The following SGCZ variants were observed in gnomAD, a reference collection of about 807,000 sequenced individuals.
The protein encoded by SGCZ is sarcoglycan zeta, also known as zeta-sarcoglycan.
SGCZ carries 40 observed loss-of-function variants against 41.3 expected under a neutral mutation model. The ratio of observed to expected loss-of-function variants is 0.97; its 90% confidence interval spans 0.75 to 1.26. The LOEUF (loss-of-function observed/expected upper bound fraction) is 1.26, where lower values mean the gene tolerates loss of function less well. Ranked by LOEUF, SGCZ falls within the 50% of genes most tolerant of loss-of-function variation. SGCZ has a pLI of 0.00. For missense variants in SGCZ, 552 were observed against 369.8 expected, an observed-to-expected ratio of 1.49 and a Z score of -4.04; for synonymous variants, 206 against 137.5, an observed-to-expected ratio of 1.50 and a Z score of -3.49.
intron 1 of SGCZ, among the ~76,000 whole-genome samples, chr8:14,775,491 G>C (rs1421552730): frequency 1.3e-5 from 2 of 151,810 alleles, no homozygotes; most frequent in African/African-American, 2.4e-5. Flanking sequence ...GTGTGTGTGT[G>C]TGTGTGTGTA....
intron 3 of SGCZ, among the ~76,000 whole-genome samples, chr8:14,303,429 A>G (rs1801256728): frequency 6.6e-6 from 1 of 152,148 alleles, no homozygotes; most frequent in East Asian, 1.9e-4. Flanking sequence ...GGATATCTTT[A>G]AAAACCTGTA....
intron 1 of SGCZ, among the ~76,000 whole-genome samples, chr8:14,557,364 C>G (rs1469185792): frequency 6.6e-6 from 1 of 151,696 alleles, no homozygotes; most frequent in Non-Finnish European, 1.5e-5. Context: ...AAGATTTTCT[C>G]CCACCCTGTG....
At chr8:14,880,056 G>A (rs1804528632) in intron 1 of SGCZ, among the ~76,000 whole-genome samples, 1 of 152,078 alleles carries the variant, frequency 6.6e-6, no homozygotes, top group African/African-American at 2.4e-5. Flanking sequence ...GGCCAAGCTT[G>A]TCTTGAACTC....
chr8:14,475,704 A>C (rs1342967806), intron 2 of SGCZ, among the ~76,000 whole-genome samples: 1 of 152,234 alleles, frequency 6.6e-6, no homozygotes, highest in Non-Finnish European at 1.5e-5. Flanking sequence ...AGGATAAAAT[A>C]ATCTGAAGCA....
intron 4 of SGCZ, among the ~76,000 whole-genome samples, chr8:14,187,989 G>A (rs761550838): frequency 6.6e-6 from 1 of 152,082 alleles, no homozygotes; most frequent in African/African-American, 2.4e-5. Context: ...AAGGTTAACA[G>A]CTGGCCTCTC....
chr8:15,080,561 G>A (rs972121756), intron 1 of SGCZ, among the ~76,000 whole-genome samples: 11 of 151,988 alleles, frequency 7.2e-5, no homozygotes, highest in Non-Finnish European at 1.0e-4. Flanking sequence ...GGTCATTAGG[G>A]TGAGCCCTAA....
intron 1 of SGCZ, among the ~76,000 whole-genome samples, chr8:14,935,318 C>A (rs1800049856): frequency 6.6e-6 from 1 of 151,710 alleles, no homozygotes; most frequent in Admixed American, 6.6e-5. Context: ...TTGTGACATT[C>A]TTCCATGTTG....
At chr8:14,268,882 G>C (rs1799965158) in intron 3 of SGCZ, among the ~76,000 whole-genome samples, 1 of 151,512 alleles carries the variant, frequency 6.6e-6, no homozygotes, top group African/African-American at 2.4e-5. Context: ...ATAACTTAAA[G>C]AGAAAACTTT....
At chr8:14,271,492 C>T (rs921097941) in intron 3 of SGCZ, among the ~76,000 whole-genome samples, 2 of 152,158 alleles carry the variant, frequency 1.3e-5, no homozygotes, top group South Asian at 2.1e-4. Context: ...ATTTGACCAA[C>T]AGGAGATATT....
At chr8:14,987,217 A>T (rs990330548) in intron 1 of SGCZ, among the ~76,000 whole-genome samples, 4 of 151,986 alleles carry the variant, frequency 2.6e-5, no homozygotes, top group Admixed American at 2.6e-4. Context: ...CAAAAAGTAC[A>T]TTATAGATAA....
chr8:14,154,711 T>C (rs1585184416), intron 5 of SGCZ, among the ~76,000 whole-genome samples: 1 of 152,188 alleles, frequency 6.6e-6, no homozygotes, highest in East Asian at 1.9e-4. Context: ...TGGTAGAGGC[T>C]GTTTCAGAAA....
At chr8:14,689,889 G>C (rs1808742237) in intron 1 of SGCZ, among the ~76,000 whole-genome samples, 1 of 152,208 alleles carries the variant, frequency 6.6e-6, no homozygotes, top group Admixed American at 6.5e-5. Flanking sequence ...GCGGAGACTG[G>C]TTGTTTATGA....
At chr8:14,143,071 T>C (rs1803418933) in intron 5 of SGCZ, among the ~76,000 whole-genome samples, 1 of 151,632 alleles carries the variant, frequency 6.6e-6, no homozygotes, top group Non-Finnish European at 1.5e-5. Context: ...CATATGATTA[T>C]ATCAATTGAT....
intron 1 of SGCZ, among the ~76,000 whole-genome samples, chr8:14,577,834 T>C (rs1412970739): frequency 1.3e-5 from 2 of 152,244 alleles, no homozygotes; most frequent in Admixed American, 6.5e-5. Context: ...GTCTTAATGA[T>C]TGATCATATT....
chr8:14,584,976 G>C (rs1246590444), intron 1 of SGCZ, among the ~76,000 whole-genome samples: 1 of 152,024 alleles, frequency 6.6e-6, no homozygotes, highest in East Asian at 1.9e-4. Flanking sequence ...TTGAGCCCAG[G>C]TACTTTAGCC....
intron 1 of SGCZ, among the ~76,000 whole-genome samples, chr8:14,867,017 G>T (rs1585331365): frequency 6.6e-6 from 1 of 152,098 alleles, no homozygotes; most frequent in Non-Finnish European, 1.5e-5. Flanking sequence ...CTGAAATTCT[G>T]TAGGAGCTAA....
At chr8:14,297,868 GAGA>G (rs1801065299) in intron 3 of SGCZ, among the ~76,000 whole-genome samples, 1 of 151,832 alleles carries the variant, frequency 6.6e-6, no homozygotes, top group Non-Finnish European at 1.5e-5. Context: ...AAAAAAAAAG[GAGA>G]AGACTTTGCC....
intron 2 of SGCZ, among the ~76,000 whole-genome samples, chr8:14,360,432 T>C (rs1053458359): frequency 1.6e-4 from 24 of 152,044 alleles, no homozygotes; most frequent in African/African-American, 4.8e-4. Context: ...TTCAACTGAT[T>C]CTCCTGCCTC....
intron 2 of SGCZ, among the ~76,000 whole-genome samples, chr8:14,537,998 C>T (rs1325443127): frequency 1.3e-5 from 2 of 151,890 alleles, no homozygotes; most frequent in Non-Finnish European, 2.9e-5. Context: ...GATTGCTGTA[C>T]TCTCCATTCT....
Sources: allele counts gnomAD v4.1 joint callset (sites outside exome capture counted in the v4.1 genomes callset), GRCh38; gene constraint gnomAD v4.1.1; transcripts MANE v1.5; gene names NCBI Gene and HGNC (gene_info 2026-07-23, HGNC 2026-07-21).